The following UNKL variants were observed in gnomAD, a reference collection of about 807,000 sequenced individuals.
The protein encoded by UNKL is putative E3 ubiquitin-protein ligase UNKL.
UNKL carries 60 observed loss-of-function variants against 78.0 expected under a neutral mutation model. The ratio of observed to expected loss-of-function variants is 0.77; its 90% confidence interval spans 0.63 to 0.95. The LOEUF is 0.95. Among genes scored for constraint, UNKL ranks in the 40% least tolerant of loss-of-function variants. The pLI is 0.00. For synonymous variants in UNKL, 608 were observed against 474.8 expected (o/e 1.28, Z -3.65); for missense variants, 1,159 against 1,045.7 (o/e 1.11, Z -1.49).
chr16:1,395,080 G>A (rs2037203362), intron 6 of UNKL, among the ~76,000 whole-genome samples: 1 of 151,722 alleles, frequency 6.6e-6, no homozygotes, highest in African/African-American at 2.4e-5. Flanking sequence ...GTTTCGCCAT[G>A]TTGGCCAGGC....
At position 1,369,826 on chromosome 16, in the gene UNKL, C is replaced by T. The variant is rs1256514629; in HGVS notation, c.1585+304G>A. On this transcript the variant is annotated intron_variant, in intron 12 of 14. Transcript: ENST00000389221. ...GCCATCTCTACTAAAAATACAAAAA[C>T]TAGCTGGGCGTGGTGGCGCCCGCCT... The T allele has an allele frequency of 7.6e-6, 7 of 923,518 alleles. No individual in the cohort carries two copies. In the African/African-American group the frequency reaches 9.9e-5, roughly 13 times the overall value. 57.2% of individuals were successfully genotyped at this position (923,518 alleles called of 1,614,324 possible). A position where few individuals can be genotyped will look rare whatever the true frequency, so the allele number is the denominator to read the frequency against.
At chr16:1,375,345 C>T (rs2036137510) in intron 10 of UNKL, among the ~76,000 whole-genome samples, 3 of 152,168 alleles carry the variant, frequency 2.0e-5, no homozygotes, top group Admixed American at 2.0e-4. Flanking sequence ...GGACGGTGGA[C>T]TCCAGAGGCC....
In UNKL at chr16:1,366,255, C is replaced by CTGG; in HGVS notation, c.2184_2186dup (p.Gly728_Gln729insHis). The stretch of plus-strand genomic sequence containing the variant: ...CCCGCTGAGGTCACCACTGCAGGGG[C>CTGG]TGGCCCTTGCAGTAGGGGCACTCAG... On this transcript the variant is annotated inframe_insertion, in exon 15 of 15. Transcript: ENST00000389221. 6.3e-7 allele frequency: 1 copy of CTGG among 1,579,326 alleles called. No individual in the cohort carries two copies. The highest frequency in any genetic ancestry group is 8.6e-7 in the Non-Finnish European group (1 of 1,163,598).
rs140786500 is a variant in UNKL, at chr16:1,391,792, A to G, written c.1024-1098T>C. ...AAGCTCCACCTCCCGGGTTCAAGCA[A>G]TTCTCCTGCCTCAGCCTCTGGAGTA... On this transcript the variant is annotated intron_variant, in intron 8 of 14. Transcript: ENST00000389221. 3.3e-3 allele frequency among the ~76,000 whole-genome samples: 498 copies of G among 152,254 alleles called. 5 individuals are homozygous for G. The highest frequency in any genetic ancestry group is 0.011 in the African/African-American group (472 of 41,548).
chr16:1,367,745 C>A lies in UNKL; in HGVS notation c.1699G>T (p.Gly567Ter), dbSNP rs975651898. The A allele has an allele frequency of 6.3e-7, 1 of 1,576,898 alleles. No individual in the cohort carries two copies. Among genetic ancestry groups the A allele is most frequent in the East Asian group, 2.3e-5 (1 of 42,882 alleles). The part of the protein sequence containing the change: ...PPSSSSASPN[G>*]AELARVRRQL... ...CGCCTGACCCGGGCCAGCTCAGCTC[C>A]GTTTGGACTTGCACTCGAAGAGGAT... Residue 567 changes from glycine (G) to a stop codon, truncating the protein, a stop_gained, in exon 13 of 15, where the codon GGA becomes TGA. Transcript: ENST00000389221. LOFTEE classifies it high-confidence loss of function.
intron 2 of UNKL, chr16:1,406,190 C>A (rs1292235193): frequency 2.7e-6 from 1 of 368,076 alleles, no homozygotes; most frequent in Non-Finnish European, 5.4e-6. Flanking sequence ...GAGGAACAGG[C>A]GTACTCCCAT....
chr16:1,401,773 G>T, intron 3 of UNKL, 72 bp from the exon 4 acceptor site: 1 of 1,534,276 alleles, frequency 6.5e-7, no homozygotes, highest in Admixed American at 1.8e-5. Context: ...GTCACTGGAG[G>T]GCACGCTCCC....
intron 9 of UNKL, among the ~76,000 whole-genome samples, chr16:1,388,909 A>C (rs189819847): frequency 7.2e-4 from 110 of 152,266 alleles, no homozygotes; most frequent in Non-Finnish European, 1.4e-3. Context: ...AGTGAAATAT[A>C]ATATAAAATT....
intron 2 of UNKL, chr16:1,412,059 C>T (rs979360047): frequency 6.6e-6 from 1 of 152,086 alleles, no homozygotes; most frequent in African/African-American, 2.4e-5. Flanking sequence ...ACTTCAAGAC[C>T]GCAACTGCTG....
intron 5 of UNKL, chr16:1,398,689 AC>A: frequency 1.7e-5 from 7 of 405,290 alleles, no homozygotes; most frequent in Admixed American, 5.0e-5. Context: ...GCACCCCCCC[AC>A]CCCCCTCTCA....
chr16:1,413,571 AAAAC>A (rs1332068405), intron 2 of UNKL, among the ~76,000 whole-genome samples: 11 of 152,252 alleles, frequency 7.2e-5, no homozygotes, highest in African/African-American at 2.7e-4. Flanking sequence ...TCCGTCTCAA[AAAAC>A]AAACAAAAAA....
At chr16:1,390,558 C>A in intron 9 of UNKL, 74 bp downstream of exon 9, 1 of 1,480,202 alleles carries the variant, frequency 6.8e-7, no homozygotes, top group South Asian at 1.2e-5. Flanking sequence ...TGCCACGGGT[C>A]AGGCACGAGG....
In UNKL at chr16:1,367,638, G is replaced by GC. The variant is rs754697456; in HGVS notation, c.1788+17dup. ...GCCCTCCCTCCCCCTCACCTGTCTG[G>GC]CCCCCCCACACACTCACCTGCTTCA... On this transcript the variant is annotated intron_variant, in intron 13 of 14. Coordinates refer to ENST00000389221, the MANE Select transcript of UNKL (RefSeq NM_001372107.1). The GC allele has an allele frequency of 1.7e-4, 259 of 1,519,988 alleles. 1 individual carries two copies. In the Middle Eastern group the frequency reaches 3.8e-3, roughly 22 times the overall value. 94.2% of individuals were successfully genotyped at this position (1,519,988 alleles called of 1,614,324 possible).
At chr16:1,372,180 T>A (rs1212912035) in intron 10 of UNKL, among the ~76,000 whole-genome samples, 1 of 151,440 alleles carries the variant, frequency 6.6e-6, no homozygotes, top group African/African-American at 2.4e-5. Flanking sequence ...GGAAGAATGG[T>A]GTGAACCCCA....
chr16:1,379,582 C>A, intron 10 of UNKL: 1 of 985,290 alleles, frequency 1.0e-6, no homozygotes, highest in Non-Finnish European at 1.2e-6. Flanking sequence ...CGCCGAGTAA[C>A]GAGACCCGCA....
chr16:1,384,706 C>T (rs908556584), intron 10 of UNKL, among the ~76,000 whole-genome samples: 1 of 152,178 alleles, frequency 6.6e-6, no homozygotes, highest in Non-Finnish European at 1.5e-5. Flanking sequence ...TCAAGGGATC[C>T]TCCCACCTCA....
At chr16:1,402,580 G>A (rs752749243) in intron 3 of UNKL, among the ~76,000 whole-genome samples, 6 of 152,022 alleles carry the variant, frequency 3.9e-5, no homozygotes, top group South Asian at 2.1e-4. Flanking sequence ...CGAGAATGGC[G>A]TGAACCCAGG....
At position 1,413,888 on chromosome 16, in the gene UNKL, G is replaced by C; in HGVS notation, c.245C>G (p.Ser82Cys). 6.4e-7 allele frequency: 1 copy of C among 1,557,462 alleles called. No homozygotes were observed. Among genetic ancestry groups the C allele is most frequent in the Non-Finnish European group, 8.7e-7 (1 of 1,150,722 alleles). Residue 82 changes from serine (S) to cysteine (C), a missense_variant, in exon 2 of 15, where the codon TCC (serine) becomes TGC (cysteine). By Grantham distance (112) the Ser-to-Cys change is moderately radical. Transcript: ENST00000389221. ...CACGCCGGTGGCTTCGTTGTACTTGGAGCAGTACACGTCGGGGCTGTAGTT... is the reference window on the plus strand; with the variant it reads ...CACGCCGGTGGCTTCGTTGTACTTGCAGCAGTACACGTCGGGGCTGTAGTT... Reference protein sequence around the residue: ...TFNYSPDVYCSKYNEATGVCP... With the variant: ...TFNYSPDVYCCKYNEATGVCP...
chr16:1,367,712 C>G lies in UNKL; in HGVS notation c.1732G>C (p.Asp578His). The G allele has an allele frequency of 6.3e-7, 1 of 1,581,206 alleles. No individual in the cohort carries two copies. Among genetic ancestry groups the G allele is most frequent in the Non-Finnish European group, 8.6e-7 (1 of 1,164,448 alleles). ...AELARVRRQL[D>H]EAKRKIRQWE... The stretch of plus-strand genomic sequence containing the variant: ...TGCCGGATCTTCCTCTTGGCCTCGT[C>G]CAGCTGCCGCCTGACCCGGGCCAGC... The change falls in exon 13 of 15, where the codon GAC becomes CAC. Residue 578 changes from aspartate (D) to histidine (H), a missense_variant. Asp to His is a moderately conservative substitution (Grantham distance 81). Coordinates refer to ENST00000389221, the MANE Select transcript of UNKL (RefSeq NM_001372107.1).
Sources: allele counts gnomAD v4.1 joint callset (sites outside exome capture counted in the v4.1 genomes callset), GRCh38; gene constraint gnomAD v4.1.1; transcripts MANE v1.5; gene names NCBI Gene and HGNC (gene_info 2026-07-23, HGNC 2026-07-21).